Variants in COLEC12 observed in about 807,000 individuals in gnomAD.
COLEC12 encodes collectin subfamily member 12.
A neutral mutation model predicts 71.1 loss-of-function variants in COLEC12; 33 were observed. The ratio of observed to expected loss-of-function variants is 0.46; its 90% confidence interval spans 0.35 to 0.62. The LOEUF (loss-of-function observed/expected upper bound fraction) is 0.62, where lower values mean the gene tolerates loss of function less well. COLEC12 is among the 20% of genes least tolerant of loss of function. COLEC12 has a pLI of 0.00. For missense variants in COLEC12, 765 were observed against 916.1 expected (o/e 0.84, Z 2.13); for synonymous variants, 350 against 353.0 (o/e 0.99, Z 0.10).
At chr18:388,075 C>T (rs2143580572) in intron 2 of COLEC12, among the ~76,000 whole-genome samples, 1 of 152,282 alleles carries the variant, frequency 6.6e-6, no homozygotes, top group South Asian at 2.1e-4. Flanking sequence ...GCTGCACCTT[C>T]TTTCATTTCT....
At chr18:472,865 CT>C (rs1489710428) in intron 2 of COLEC12, among the ~76,000 whole-genome samples, 1 of 151,694 alleles carries the variant, frequency 6.6e-6, no homozygotes, top group Non-Finnish European at 1.5e-5. Flanking sequence ...AGAATGAGGA[CT>C]GCTGGGCTTC....
At chr18:361,738 A>G (rs1056618602) in intron 2 of COLEC12, among the ~76,000 whole-genome samples, 1 of 152,174 alleles carries the variant, frequency 6.6e-6, no homozygotes, top group Non-Finnish European at 1.5e-5. Flanking sequence ...GAAACCATGA[A>G]CTTGCTTTGG....
At chr18:418,943 G>T (rs936817736) in intron 2 of COLEC12, among the ~76,000 whole-genome samples, 12 of 152,144 alleles carry the variant, frequency 7.9e-5, no homozygotes, top group African/African-American at 2.9e-4. Context: ...CGAGATCCAA[G>T]AACCCTGTCT....
At chr18:495,469 C>T (rs1475140956) in intron 1 of COLEC12, among the ~76,000 whole-genome samples, 1 of 152,126 alleles carries the variant, frequency 6.6e-6, no homozygotes, top group African/African-American at 2.4e-5. Flanking sequence ...GAGTTGGTGG[C>T]TACAGTGGGC....
At chr18:441,455 T>G (rs1916533268) in intron 2 of COLEC12, among the ~76,000 whole-genome samples, 1 of 152,088 alleles carries the variant, frequency 6.6e-6, no homozygotes, top group African/African-American at 2.4e-5. Context: ...CACTATGTGA[T>G]GCTGAGTACA....
At chr18:471,106 G>A (rs1344522193) in intron 2 of COLEC12, among the ~76,000 whole-genome samples, 1 of 152,032 alleles carries the variant, frequency 6.6e-6, no homozygotes, top group Non-Finnish European at 1.5e-5. Context: ...ATCTGTGCAT[G>A]GAAATATTCA....
chr18:491,816 A>T (rs547068645), intron 1 of COLEC12, among the ~76,000 whole-genome samples: 1 of 152,300 alleles, frequency 6.6e-6, no homozygotes, highest in Admixed American at 6.5e-5. Context: ...AAAACTGAAG[A>T]AAGGTGTCCT....
intron 2 of COLEC12, among the ~76,000 whole-genome samples, chr18:411,375 A>G (rs1915890735): frequency 6.6e-6 from 1 of 152,216 alleles, no homozygotes; most frequent in Non-Finnish European, 1.5e-5. Context: ...AATGACAATC[A>G]ATAGATGCCA....
chr18:350,185 G>A (rs1914479566), intron 3 of COLEC12, among the ~76,000 whole-genome samples: 1 of 152,176 alleles, frequency 6.6e-6, no homozygotes, highest in Admixed American at 6.5e-5. Context: ...GGACCCAGTG[G>A]GAGATAATTT....
intron 8 of COLEC12, among the ~76,000 whole-genome samples, chr18:330,774 G>C (rs976363245): frequency 1.3e-5 from 2 of 151,998 alleles, no homozygotes; most frequent in African/African-American, 4.8e-5. Context: ...TGGAACTTAT[G>C]GGGAATCTTC....
intron 2 of COLEC12, among the ~76,000 whole-genome samples, chr18:440,006 CA>C (rs1916482979): frequency 6.6e-6 from 1 of 151,916 alleles, no homozygotes; most frequent in Admixed American, 6.6e-5. Flanking sequence ...CACACACACA[CA>C]CTGGAATATT....
At chr18:328,057 T>A (rs964543133) in intron 8 of COLEC12, among the ~76,000 whole-genome samples, 1 of 152,152 alleles carries the variant, frequency 6.6e-6, no homozygotes, top group Non-Finnish European at 1.5e-5. Context: ...AGGCTGGTCT[T>A]GAACTCCTGG....
In COLEC12 at chr18:321,690, G is replaced by A. The variant is rs1188530644; in HGVS notation, c.2181C>T (p.Asn727=). ...TCTCCCTGTCTTTTTCGCAAATGAA[G>A]TTATTGACGTCTTCACATTGGAAAT... ...WNDFQCEDVN[N]FICEKDRETV... Residue 727 remains asparagine (N), a synonymous_variant, in exon 9 of 10, where the codon AAC becomes AAT. Transcript: ENST00000400256. The A allele has an allele frequency of 6.2e-7, 1 of 1,614,182 alleles. No homozygotes were observed. The highest frequency in any genetic ancestry group is 1.1e-5 in the South Asian group (1 of 91,088).
intron 2 of COLEC12, among the ~76,000 whole-genome samples, chr18:452,449 T>C (rs1215793431): frequency 6.6e-6 from 1 of 152,220 alleles, no homozygotes; most frequent in African/African-American, 2.4e-5. Context: ...ATGGTGGCTA[T>C]ATAATGATCG....
At chr18:376,188 C>T (rs1254794825) in intron 2 of COLEC12, among the ~76,000 whole-genome samples, 1 of 152,150 alleles carries the variant, frequency 6.6e-6, no homozygotes, top group African/African-American at 2.4e-5. Context: ...GCTGGTCCAC[C>T]CCAGGGGGTG....
chr18:407,052 G>A (rs1401621532), intron 2 of COLEC12, among the ~76,000 whole-genome samples: 2 of 152,234 alleles, frequency 1.3e-5, no homozygotes, highest in African/African-American at 2.4e-5. Flanking sequence ...GGGCACAGTC[G>A]AAAGGCCTCC....
chr18:437,807 C>T (rs942193269), intron 2 of COLEC12, among the ~76,000 whole-genome samples: 14 of 152,118 alleles, frequency 9.2e-5, no homozygotes, highest in African/African-American at 3.4e-4. Context: ...GAAGCTTTGT[C>T]GCATCTATCA....
At chr18:471,746 T>C (rs571254408) in intron 2 of COLEC12, among the ~76,000 whole-genome samples, 5 of 152,058 alleles carry the variant, frequency 3.3e-5, no homozygotes, top group African/African-American at 7.2e-5. Flanking sequence ...ATTATAGATA[T>C]TATTGTTACA....
At position 493,627 on chromosome 18, in the gene COLEC12, C is replaced by T. The variant is rs575889262; in HGVS notation, c.7+6881G>A. 1.1e-4 allele frequency among the ~76,000 whole-genome samples: 16 copies of T among 152,302 alleles called. No homozygotes were observed. The Middle Eastern group carries it at 0.01, about 97-fold the overall frequency. ...ACTGCAAGCTCCATGAGCACAGAAG[C>T]TATATTTTATTCATTTTATTTGGCA... is the stretch of plus-strand genomic sequence containing the variant. On this transcript the variant is annotated intron_variant, in intron 1 of 9. Coordinates refer to ENST00000400256, the MANE Select transcript of COLEC12 (RefSeq NM_130386.3).
Sources: allele counts gnomAD v4.1 joint callset (sites outside exome capture counted in the v4.1 genomes callset), GRCh38; gene constraint gnomAD v4.1.1; transcripts MANE v1.5; gene names NCBI Gene and HGNC (gene_info 2026-07-23, HGNC 2026-07-21).